FRMD4B: variants seen among roughly 807,000 people sequenced by gnomAD.
The protein encoded by FRMD4B is FERM domain containing 4B.
FRMD4B carries 74 observed loss-of-function variants against 141.5 expected under a neutral mutation model. The observed-to-expected ratio is 0.52, with a 90% confidence interval of 0.43 to 0.63. FRMD4B has a LOEUF of 0.63. Ranked by LOEUF, FRMD4B falls within the 30% of genes least tolerant of loss-of-function variation. The probability of loss-of-function intolerance (pLI) is 0.00; values close to 1 mark genes in which losing one functional copy is unlikely to be tolerated. For synonymous variants in FRMD4B, 506 were observed against 467.9 expected (o/e 1.08, Z -1.05); for missense variants, 1,366 against 1,253.4 (o/e 1.09, Z -1.36).
chr3:69,370,673 A>T lies in FRMD4B; in HGVS notation c.162+15155T>A, dbSNP rs114409079. 8.0e-3 allele frequency among the ~76,000 whole-genome samples: 1,225 copies of T among 152,346 alleles called. 15 individuals are homozygous for T. The highest frequency in any genetic ancestry group is 0.027 in the African/African-American group (1,141 of 41,578). On this transcript the variant is annotated intron_variant, in intron 1 of 22. Transcript: ENST00000398540. ...CATGAGGTTTCTAAAGCTTCACGGAATGCAAACGTTGCCTTCGGGCAGAGT... is the reference window on the plus strand; with the variant it reads ...CATGAGGTTTCTAAAGCTTCACGGATTGCAAACGTTGCCTTCGGGCAGAGT...
chr3:69,344,681 C>A (rs576855058), intron 1 of FRMD4B, among the ~76,000 whole-genome samples: 1 of 152,284 alleles, frequency 6.6e-6, no homozygotes, highest in South Asian at 2.1e-4. Flanking sequence ...GATAAAGTTT[C>A]TCCTTTATAG....
At chr3:69,246,537 T>C (rs1370298169) in intron 7 of FRMD4B, among the ~76,000 whole-genome samples, 1 of 152,152 alleles carries the variant, frequency 6.6e-6, no homozygotes, top group Non-Finnish European at 1.5e-5. Context: ...ACATATCCTC[T>C]CTATTCAGGG....
At chr3:69,411,203 G>C (rs1461476678) in intron 2 of FRMD4B, among the ~76,000 whole-genome samples, 2 of 152,122 alleles carry the variant, frequency 1.3e-5, no homozygotes, top group East Asian at 3.8e-4. Flanking sequence ...CTACATGGTG[G>C]CTACTAATTC....
intron 7 of FRMD4B, 118 bp from the exon 8 acceptor site, chr3:69,224,808 A>G: frequency 1.5e-6 from 1 of 647,858 alleles, no homozygotes; most frequent in Non-Finnish European, 2.8e-6. Context: ...GAGCCAACAT[A>G]CACATGGTTA....
intron 4 of FRMD4B, among the ~76,000 whole-genome samples, chr3:69,289,220 T>C (rs940793553): frequency 1.3e-5 from 2 of 152,240 alleles, no homozygotes; most frequent in African/African-American, 4.8e-5. Context: ...ATTCGCTGTA[T>C]GGCCTTGGGC....
intron 2 of FRMD4B, among the ~76,000 whole-genome samples, chr3:69,421,222 A>G (rs978841499): frequency 2.0e-5 from 3 of 152,246 alleles, no homozygotes; most frequent in Non-Finnish European, 4.4e-5. Flanking sequence ...GGGAGACAGT[A>G]TACCAGCCAG....
In FRMD4B at chr3:69,181,515, T is replaced by C. The variant is rs746388165; in HGVS notation, c.2235A>G (p.Pro745=). Residue 745 remains proline (P), a synonymous_variant, in exon 21 of 23, where the codon CCA becomes CCG. Transcript: ENST00000398540. The stretch of plus-strand genomic sequence containing the variant: ...GGGTGGTGTAATAGGGGCCGGTAAC[T>C]GGTGTCACACAGTAATACTCTGTGC... ...QSSTEYYCVT[P]VTGPYYTTQT... The C allele has an allele frequency of 1.9e-6, 3 of 1,613,684 alleles. No homozygotes were observed. Among genetic ancestry groups the C allele is most frequent in the South Asian group, 2.2e-5 (2 of 91,088 alleles).
intron 1 of FRMD4B, among the ~76,000 whole-genome samples, chr3:69,326,461 C>T (rs928510725): frequency 3.3e-5 from 5 of 152,210 alleles, no homozygotes; most frequent in Admixed American, 3.3e-4. Context: ...TAAACTCTAA[C>T]ACCTTATCTG....
chr3:69,248,623 CTG>C (rs775312376), intron 7 of FRMD4B, among the ~76,000 whole-genome samples: 32 of 152,330 alleles, frequency 2.1e-4, no homozygotes, highest in South Asian at 1.2e-3. Context: ...CACCCTTTAA[CTG>C]TTTCTCTACA....
intron 1 of FRMD4B, among the ~76,000 whole-genome samples, chr3:69,324,532 C>T (rs1409114415): frequency 2.0e-5 from 3 of 152,224 alleles, no homozygotes; most frequent in Non-Finnish European, 4.4e-5. Flanking sequence ...TGCTAAACAG[C>T]ATCCCTGACC....
intron 1 of FRMD4B, among the ~76,000 whole-genome samples, chr3:69,319,831 C>A (rs897742482): frequency 6.6e-6 from 1 of 152,164 alleles, no homozygotes; most frequent in Non-Finnish European, 1.5e-5. Flanking sequence ...GTACTACACA[C>A]ACTGTAAAGT....
intron 2 of FRMD4B, among the ~76,000 whole-genome samples, chr3:69,426,181 T>C (rs547702335): frequency 3.3e-5 from 5 of 152,376 alleles, no homozygotes; most frequent in Admixed American, 1.3e-4. Flanking sequence ...TTCTGGCATA[T>C]GCTGGGATGT....
intron 4 of FRMD4B, among the ~76,000 whole-genome samples, chr3:69,293,803 C>T (rs1023041149): frequency 7.3e-6 from 1 of 137,506 alleles, no homozygotes; most frequent in African/African-American, 2.7e-5. Context: ...ATCGCTTGAA[C>T]CTGGGAGGAG....
At chr3:69,351,633 G>T (rs139172924) in intron 1 of FRMD4B, among the ~76,000 whole-genome samples, 28 of 152,248 alleles carry the variant, frequency 1.8e-4, no homozygotes, top group Non-Finnish European at 3.1e-4. Flanking sequence ...AGAAACTCTT[G>T]CTTCATGAAA....
At chr3:69,243,164 C>G (rs11914413) in intron 7 of FRMD4B, among the ~76,000 whole-genome samples, 1 of 152,110 alleles carries the variant, frequency 6.6e-6, no homozygotes, top group Non-Finnish European at 1.5e-5. Context: ...CTTGGAAATT[C>G]AGACTGTCAT....
At chr3:69,470,085 G>C (rs1194634661) in intron 1 of FRMD4B, among the ~76,000 whole-genome samples, 3 of 151,966 alleles carry the variant, frequency 2.0e-5, no homozygotes, top group Non-Finnish European at 4.4e-5. Context: ...ATTTTGGATC[G>C]GTATTCTCCA....
At chr3:69,402,316 T>G (rs780390755) in intron 2 of FRMD4B, among the ~76,000 whole-genome samples, 1 of 152,180 alleles carries the variant, frequency 6.6e-6, no homozygotes, top group Non-Finnish European at 1.5e-5. Context: ...ATGAAGCCAA[T>G]ACAGAGAGCT....
intron 2 of FRMD4B, among the ~76,000 whole-genome samples, chr3:69,408,691 C>T (rs1201959041): frequency 6.6e-6 from 1 of 152,064 alleles, no homozygotes; most frequent in Non-Finnish European, 1.5e-5. Flanking sequence ...TAAACAAGGG[C>T]AGCTCTGCTG....
intron 1 of FRMD4B, among the ~76,000 whole-genome samples, chr3:69,435,998 C>T (rs1400695507): frequency 6.6e-6 from 1 of 152,196 alleles, no homozygotes; most frequent in African/African-American, 2.4e-5. Context: ...AACAGAATCA[C>T]TCTCAGCATA....
Sources: gnomAD v4.1 joint callset for allele counts (sites outside exome capture counted in the v4.1 genomes callset) on GRCh38, gnomAD v4.1.1 for gene constraint, MANE v1.5 for transcripts, NCBI Gene and HGNC (gene_info 2026-07-23, HGNC 2026-07-21) for gene names.